MACROD2: variants seen among roughly 807,000 people sequenced by gnomAD.
MACROD2 encodes mono-ADP ribosylhydrolase 2, also known as ADP-ribose glycohydrolase MACROD2.
MACROD2 carries 36 observed loss-of-function variants against 70.4 expected under a neutral mutation model. The observed-to-expected ratio is 0.51, with a 90% CI of 0.39 to 0.68. The LOEUF is 0.68. MACROD2 is among the 30% of genes least tolerant of loss of function. The pLI is 0.00. For missense variants in MACROD2, 496 were observed against 538.4 expected (o/e 0.92, Z 0.78); for synonymous variants, 172 against 178.8 (o/e 0.96, Z 0.30).
chr20:14,463,946 T>A (rs929313781), intron 3 of MACROD2, among the ~76,000 whole-genome samples: 5 of 152,068 alleles, frequency 3.3e-5, no homozygotes, highest in African/African-American at 1.2e-4. Flanking sequence ...CAGTATTTTA[T>A]TGAGGATTTT....
At chr20:14,196,957 G>A (rs998849541) in intron 3 of MACROD2, among the ~76,000 whole-genome samples, 1 of 152,220 alleles carries the variant, frequency 6.6e-6, no homozygotes, top group Non-Finnish European at 1.5e-5. Context: ...GTAATCAGAT[G>A]GAGAGGGTGA....
chr20:14,267,719 T>G (rs1303553900), intron 3 of MACROD2, among the ~76,000 whole-genome samples: 2 of 152,116 alleles, frequency 1.3e-5, no homozygotes, highest in Non-Finnish European at 2.9e-5. Flanking sequence ...CTAGTTAACA[T>G]GCCAACTGAA....
At chr20:15,644,265 A>G (rs1343255217) in intron 8 of MACROD2, among the ~76,000 whole-genome samples, 2 of 152,150 alleles carry the variant, frequency 1.3e-5, no homozygotes, top group Non-Finnish European at 2.9e-5. Flanking sequence ...CACCACCTCC[A>G]GCATCTAAAC....
chr20:15,855,315 A>C (rs1481167327), intron 8 of MACROD2, among the ~76,000 whole-genome samples: 1 of 152,190 alleles, frequency 6.6e-6, no homozygotes, highest in Admixed American at 6.5e-5. Context: ...GAAACCCCCA[A>C]CTGTGGATTA....
At chr20:15,664,537 T>G (rs1600728840) in intron 8 of MACROD2, among the ~76,000 whole-genome samples, 2 of 152,168 alleles carry the variant, frequency 1.3e-5, no homozygotes, top group African/African-American at 2.4e-5. Flanking sequence ...CTTACATGTC[T>G]GGGGCTGGCT....
At chr20:14,960,138 C>G (rs534170284) in intron 5 of MACROD2, among the ~76,000 whole-genome samples, 1 of 152,288 alleles carries the variant, frequency 6.6e-6, no homozygotes, top group South Asian at 2.1e-4. Context: ...CAGTTTAAAT[C>G]AACCCCTCAA....
At chr20:15,054,559 G>A (rs1025552319) in intron 5 of MACROD2, among the ~76,000 whole-genome samples, 2 of 152,038 alleles carry the variant, frequency 1.3e-5, no homozygotes, top group Non-Finnish European at 2.9e-5. Flanking sequence ...CCCTTAATCA[G>A]CTACAGTATA....
At chr20:14,003,196 A>T (rs2052759400) in intron 2 of MACROD2, among the ~76,000 whole-genome samples, 1 of 152,204 alleles carries the variant, frequency 6.6e-6, no homozygotes, top group Non-Finnish European at 1.5e-5. Context: ...CGATGGAACT[A>T]CACCGGGTAC....
At chr20:14,004,450 A>G (rs1360914433) in intron 2 of MACROD2, among the ~76,000 whole-genome samples, 1 of 152,144 alleles carries the variant, frequency 6.6e-6, no homozygotes, top group Non-Finnish European at 1.5e-5. Context: ...TTTTTCCTGA[A>G]ATGTTACTTG....
At chr20:15,314,233 A>C (rs1264276918) in intron 6 of MACROD2, among the ~76,000 whole-genome samples, 4 of 152,154 alleles carry the variant, frequency 2.6e-5, no homozygotes, top group Non-Finnish European at 5.9e-5. Flanking sequence ...CACGCTGGAA[A>C]ACAGTCAAAT....
At chr20:15,911,477 G>A (rs1023737730) in intron 10 of MACROD2, among the ~76,000 whole-genome samples, 29 of 151,098 alleles carry the variant, frequency 1.9e-4, no homozygotes, top group Non-Finnish European at 3.8e-4. Flanking sequence ...TATTATAAAA[G>A]ATCAAAGGGG....
intron 5 of MACROD2, among the ~76,000 whole-genome samples, chr20:15,120,706 C>G (rs1171501105): frequency 1.3e-5 from 2 of 152,166 alleles, no homozygotes; most frequent in African/African-American, 4.8e-5. Flanking sequence ...TCTTTCTGCC[C>G]TTTGCTGATC....
intron 5 of MACROD2, among the ~76,000 whole-genome samples, chr20:15,224,139 T>C (rs1295848423): frequency 2.6e-5 from 4 of 152,122 alleles, no homozygotes; most frequent in Admixed American, 2.0e-4. Flanking sequence ...TACAACCAAA[T>C]GAGAGACCCT....
At chr20:15,996,641 C>T (rs2066636191) in intron 15 of MACROD2, among the ~76,000 whole-genome samples, 1 of 152,076 alleles carries the variant, frequency 6.6e-6, no homozygotes, top group African/African-American at 2.4e-5. Flanking sequence ...TATTTTCTCC[C>T]ATTTTATATG....
chr20:14,883,051 T>C, intron 5 of MACROD2, among the ~76,000 whole-genome samples: 1 of 152,200 alleles, frequency 6.6e-6, no homozygotes, highest in South Asian at 2.1e-4. Context: ...TGAGTAATGA[T>C]GGTAATACTG....
intron 3 of MACROD2, among the ~76,000 whole-genome samples, chr20:14,425,864 G>C (rs566487496): frequency 6.6e-6 from 1 of 152,194 alleles, no homozygotes; most frequent in South Asian, 2.1e-4. Context: ...TCAAATAAAT[G>C]CTACTTTGCA....
rs557694649 is a variant in MACROD2, at chr20:15,381,466, C to T, written c.541-49939C>T. 5.3e-5 allele frequency among the ~76,000 whole-genome samples: 8 copies of T among 151,360 alleles called. No homozygotes were observed. In the South Asian group the frequency reaches 8.4e-4, roughly 16 times the overall value. On this transcript the variant is annotated intron_variant, in intron 6 of 17. Transcript: ENST00000684519. ...TTGTAATCCCAGCACTTTGGGAGGC[C>T]GAGGTGGGTGGATCACTTGAGTCCC...
At chr20:14,549,487 T>G (rs938906591) in intron 4 of MACROD2, among the ~76,000 whole-genome samples, 3 of 152,220 alleles carry the variant, frequency 2.0e-5, no homozygotes, top group African/African-American at 7.2e-5. Flanking sequence ...TAATTGTTTA[T>G]TGCCTTGCTG....
intron 8 of MACROD2, among the ~76,000 whole-genome samples, chr20:15,511,011 T>G (rs932983711): frequency 6.6e-6 from 1 of 152,220 alleles, no homozygotes; most frequent in Non-Finnish European, 1.5e-5. Context: ...CCTGGTCAGA[T>G]TCACATCTGT....
Sources: allele counts gnomAD v4.1 joint callset (sites outside exome capture counted in the v4.1 genomes callset), GRCh38; gene constraint gnomAD v4.1.1; transcripts MANE v1.5; gene names NCBI Gene and HGNC (gene_info 2026-07-23, HGNC 2026-07-21).